Variants in PRKN observed in about 807,000 individuals in gnomAD.
PRKN encodes parkin RBR E3 ubiquitin protein ligase.
A neutral mutation model predicts 59.5 loss-of-function variants in PRKN; 56 were observed. The observed-to-expected ratio is 0.94, with a 90% CI of 0.76 to 1.18. The LOEUF is 1.18. PRKN is among the 50% of genes most tolerant of loss of function. The pLI, the probability that PRKN is intolerant of heterozygous loss-of-function variation, is 0.00. For synonymous variants in PRKN, 250 were observed against 222.1 expected (o/e 1.13, Z -1.12); for missense variants, 657 against 596.4 (o/e 1.10, Z -1.06).
intron 5 of PRKN, among the ~76,000 whole-genome samples, chr6:162,046,991 G>A (rs1341903117): frequency 6.6e-6 from 1 of 151,940 alleles, no homozygotes; most frequent in East Asian, 1.9e-4. Context: ...TGCTGGATTG[G>A]GTTTTTGAAA....
At chr6:161,992,223 C>T (rs1333345572) in intron 5 of PRKN, among the ~76,000 whole-genome samples, 1 of 151,854 alleles carries the variant, frequency 6.6e-6, no homozygotes, top group African/African-American at 2.4e-5. Flanking sequence ...ACCTGTAATC[C>T]CAGCTACTAG....
At position 161,781,007 on chromosome 6, in the gene PRKN, T is replaced by G. The variant is rs535853509; in HGVS notation, c.871+4765A>C. On this transcript the variant is annotated intron_variant, in intron 7 of 11. Transcript: ENST00000366898. ...CGAACTATATTTTCTCATGAGTGAG[T>G]ACTTACGGAGATACATACTAAAACA... is the stretch of plus-strand genomic sequence containing the variant. Among the ~76,000 whole-genome samples, 6 of 152,274 alleles carry G rather than the reference T, an allele frequency of 3.9e-5. No individual in the cohort carries two copies. The South Asian group carries it at 1.2e-3, about 32-fold the overall frequency.
At chr6:162,665,076 A>G (rs1376539299) in intron 1 of PRKN, among the ~76,000 whole-genome samples, 1 of 152,184 alleles carries the variant, frequency 6.6e-6, no homozygotes, top group Non-Finnish European at 1.5e-5. Context: ...AGCCAGCATC[A>G]TATTGAATAG....
At chr6:161,811,641 G>A (rs190160894) in intron 6 of PRKN, among the ~76,000 whole-genome samples, 9 of 152,216 alleles carry the variant, frequency 5.9e-5, no homozygotes, top group Non-Finnish European at 1.0e-4. Context: ...TTCTAGAAGG[G>A]GCCGGGCACG....
chr6:162,201,715 C>T (rs1190481159), intron 3 of PRKN, among the ~76,000 whole-genome samples: 2 of 152,216 alleles, frequency 1.3e-5, no homozygotes, highest in South Asian at 2.1e-4. Flanking sequence ...ATGATATGAT[C>T]ACAGTTTGCT....
intron 7 of PRKN, among the ~76,000 whole-genome samples, chr6:161,630,346 G>A (rs537152446): frequency 3.9e-5 from 6 of 152,268 alleles, no homozygotes; most frequent in South Asian, 4.1e-4. Flanking sequence ...CTGTAGAGCC[G>A]TAGATGAGAT....
Position 162,727,728 on chromosome 6 carries a change from G to C in PRKN, c.-60C>G, listed in dbSNP as rs1490894997. ...CAGGCCCATGCGCGCAGCGGCGCCA[G>C]CCGCGCCTCCCACCAGCGGCTCTCC... On this transcript the variant is annotated 5_prime_UTR_variant, in exon 1 of 12. Transcript: ENST00000366898. 47 of 1,534,042 alleles carry C rather than the reference G, an allele frequency of 3.1e-5. No individual in the cohort carries two copies. The highest frequency in any genetic ancestry group is 4.1e-5 in the Non-Finnish European group (46 of 1,132,742).
chr6:162,700,756 TC>T (rs778186670), intron 1 of PRKN, among the ~76,000 whole-genome samples: 4 of 152,080 alleles, frequency 2.6e-5, no homozygotes, highest in Non-Finnish European at 5.9e-5. Context: ...TATGCTTATA[TC>T]TATCGCACAT....
chr6:161,859,776 C>T (rs1793816193), intron 6 of PRKN, among the ~76,000 whole-genome samples: 1 of 151,944 alleles, frequency 6.6e-6, no homozygotes, highest in African/African-American at 2.4e-5. Flanking sequence ...TGTTAGAAGG[C>T]CTGAAACTAT....
chr6:161,698,332 T>C (rs914741936), intron 7 of PRKN, among the ~76,000 whole-genome samples: 1 of 152,050 alleles, frequency 6.6e-6, no homozygotes, highest in African/African-American at 2.4e-5. Context: ...CACATAAAAA[T>C]ACTATACAAG....
chr6:162,436,606 G>A (rs1031321543), intron 2 of PRKN, among the ~76,000 whole-genome samples: 2 of 140,936 alleles, frequency 1.4e-5, no homozygotes, highest in African/African-American at 2.8e-5. Flanking sequence ...CACTGTGCCC[G>A]ATCTGGCTCA....
intron 6 of PRKN, among the ~76,000 whole-genome samples, chr6:161,897,122 A>T (rs1777658094): frequency 6.6e-6 from 1 of 152,344 alleles, no homozygotes; most frequent in African/African-American, 2.4e-5. Context: ...GATAGCAGCT[A>T]AACAGCCGAT....
rs1323663012 is a variant in PRKN at position 161,440,093 on chromosome 6, G to A, written c.1084-53216C>T. 1.3e-5 allele frequency among the ~76,000 whole-genome samples: 2 copies of A among 152,052 alleles called. No homozygotes were observed. The highest frequency in any genetic ancestry group is 2.4e-5 in the African/African-American group (1 of 41,450). ...AGCCTCCTGAGTAGCTGGGACTACA[G>A]GCGCCCACCACCACGCCCGGCTAAT... On this transcript the variant is annotated intron_variant, in intron 9 of 11. Transcript: ENST00000366898. This position sits in a 1 kb window ranked among gnomAD's most constrained non-coding sequence, Gnocchi z 4.1.
intron 6 of PRKN, among the ~76,000 whole-genome samples, chr6:161,860,820 T>TTCTCACTC (rs1793865828): frequency 6.6e-6 from 1 of 152,140 alleles, no homozygotes; most frequent in East Asian, 1.9e-4. Flanking sequence ...CCAACAAACG[T>TTCTCACTC]ATAAACAAAA....
intron 1 of PRKN, among the ~76,000 whole-genome samples, chr6:162,633,459 G>A (rs201887830): frequency 1.4e-3 from 103 of 75,698 alleles, no homozygotes; most frequent in East Asian, 3.6e-3. Flanking sequence ...AAAAAAAAAA[G>A]GATCCATTTA....
intron 2 of PRKN, among the ~76,000 whole-genome samples, chr6:162,279,115 G>A (rs1780765571): frequency 6.6e-6 from 1 of 152,046 alleles, no homozygotes; most frequent in Non-Finnish European, 1.5e-5. Flanking sequence ...TGGATCACTT[G>A]AGCTCAGGAG....
chr6:161,690,897 G>A (rs1222103938), intron 7 of PRKN, among the ~76,000 whole-genome samples: 1 of 152,128 alleles, frequency 6.6e-6, no homozygotes, highest in African/African-American at 2.4e-5. Context: ...ATAAACGCAA[G>A]AACCAATTTC....
intron 1 of PRKN, among the ~76,000 whole-genome samples, chr6:162,447,008 T>A (rs1790346017): frequency 6.6e-6 from 1 of 152,198 alleles, no homozygotes; most frequent in Non-Finnish European, 1.5e-5. Flanking sequence ...CTGGCCACCT[T>A]GACTGTTAGC....
intron 5 of PRKN, among the ~76,000 whole-genome samples, chr6:161,996,925 T>C (rs1781868985): frequency 1.3e-5 from 2 of 152,052 alleles, no homozygotes; most frequent in African/African-American, 4.8e-5. Flanking sequence ...ACCCAACCAC[T>C]TACATGTGCC....
Sources: gnomAD v4.1 joint callset for allele counts (sites outside exome capture counted in the v4.1 genomes callset) on GRCh38, gnomAD v4.1.1 for gene constraint, Gnocchi (gnomAD v3.1) non-coding constraint, MANE v1.5 for transcripts, NCBI Gene and HGNC (gene_info 2026-07-23, HGNC 2026-07-21) for gene names.